The following DDX42 variants were observed in gnomAD, a reference collection of about 807,000 sequenced individuals.
DDX42 encodes the protein ATP-dependent RNA helicase DDX42.
A neutral mutation model predicts 101.5 loss-of-function variants in DDX42; 22 were observed. The observed-to-expected ratio is 0.22, with a 90% CI of 0.15 to 0.31. The LOEUF is 0.31. DDX42 is among the 10% of genes least tolerant of loss of function. DDX42 has a pLI of 1.00. For missense variants in DDX42, 849 were observed against 1,199.9 expected, an observed-to-expected ratio of 0.71 and a Z score of 4.32; for synonymous variants, 402 against 401.2, an observed-to-expected ratio of 1.00 and a Z score of -0.02.
chr17:63,779,873 T>C lies in DDX42; in HGVS notation c.-17+5497T>C, dbSNP rs182975351. On this transcript the variant is annotated intron_variant, in intron 1 of 17. Coordinates refer to ENST00000389924, the MANE Select transcript of DDX42 (RefSeq NM_203499.3). ...GAATATAGGCGTAAGCCACTGCATCTGCCTCTTTTATTTTTTTAGTAACCA... is the reference window on the plus strand; with the variant it reads ...GAATATAGGCGTAAGCCACTGCATCCGCCTCTTTTATTTTTTTAGTAACCA... Among the ~76,000 whole-genome samples, 12 of 152,320 alleles carry C rather than the reference T, an allele frequency of 7.9e-5. No individual in the cohort carries two copies. In the East Asian group the frequency reaches 2.3e-3, roughly 29 times the overall value.
intron 1 of DDX42, among the ~76,000 whole-genome samples, chr17:63,779,813 GCC>G (rs948363590): frequency 6.6e-6 from 1 of 151,498 alleles, no homozygotes; most frequent in Non-Finnish European, 1.5e-5. Flanking sequence ...CAAACTCCTG[GCC>G]TCAAGCCATC....
chr17:63,791,005 GTA>G (rs2039621667), intron 2 of DDX42, among the ~76,000 whole-genome samples: 1 of 152,204 alleles, frequency 6.6e-6, no homozygotes, highest in African/African-American at 2.4e-5. Context: ...ACATTAGTGT[GTA>G]TATATATGTA....
intron 2 of DDX42, 82 bp downstream of exon 2, chr17:63,787,352 T>G (rs760639538): frequency 2.8e-5 from 38 of 1,373,884 alleles, no homozygotes; most frequent in Non-Finnish European, 3.6e-5. Context: ...GCAAAGAAAC[T>G]TTGTTTCTCA....
chr17:63,796,342 C>A (rs1472396943), intron 3 of DDX42, among the ~76,000 whole-genome samples: 1 of 152,070 alleles, frequency 6.6e-6, no homozygotes, highest in Non-Finnish European at 1.5e-5. Context: ...GGAGCTTCAC[C>A]CTTGTTGCCC....
At chr17:63,803,240 A>G (rs1300146584) in intron 6 of DDX42, among the ~76,000 whole-genome samples, 1 of 152,212 alleles carries the variant, frequency 6.6e-6, no homozygotes, top group African/African-American at 2.4e-5. Flanking sequence ...AGATTACACA[A>G]TGAAAATAAC....
In DDX42 at chr17:63,805,113, G is replaced by A; in HGVS notation, c.664G>A (p.Glu222Lys). 1 of 1,613,054 alleles carries A rather than the reference G, an allele frequency of 6.2e-7. No individual in the cohort carries two copies. Among genetic ancestry groups the A allele is most frequent in the Non-Finnish European group, 8.5e-7 (1 of 1,179,812 alleles). Reference protein sequence around the residue: ...PFEKNFYNEHEEITNLTPQQL... With the variant: ...PFEKNFYNEHKEITNLTPQQL... ...TGAAAAAAACTTTTACAATGAGCAT[G>A]AAGAGATAACCAACCTCACTCCACA... Residue 222 changes from glutamate to lysine, a missense_variant, in exon 7 of 18, where the codon GAA becomes AAA. This residue lies in a region of DDX42 where 370 missense variants were observed against 608.8 expected (regional missense o/e 0.61). Transcript: ENST00000389924.
At chr17:63,792,231 T>C (rs2144547762) in intron 2 of DDX42, among the ~76,000 whole-genome samples, 181 bp from the exon 3 acceptor site, 1 of 152,226 alleles carries the variant, frequency 6.6e-6, no homozygotes, top group South Asian at 2.1e-4. Flanking sequence ...ATATTGAAAT[T>C]TTGCATGTAT....
At chr17:63,797,923 A>C in intron 3 of DDX42, 115 bp from the exon 4 acceptor site, 1 of 922,298 alleles carries the variant, frequency 1.1e-6, no homozygotes. Context: ...GATGGCATCA[A>C]AATGCACTTG....
At chr17:63,795,725 AAAATT>A (rs1294082199) in intron 3 of DDX42, among the ~76,000 whole-genome samples, 1 of 152,232 alleles carries the variant, frequency 6.6e-6, no homozygotes, top group Non-Finnish European at 1.5e-5. Flanking sequence ...TGATGTAAGA[AAAATT>A]AGAGTACATT....
intron 3 of DDX42, 72 bp from the exon 4 acceptor site, chr17:63,797,966 G>T: frequency 2.1e-6 from 3 of 1,432,162 alleles, no homozygotes; most frequent in South Asian, 1.3e-5. Context: ...TATGGCACTT[G>T]TTCCAATCTA....
At chr17:63,810,251 A>ATT (rs11450730) in intron 11 of DDX42, 32,394 of 120,770 alleles carry the variant, frequency 0.27, 4,690 homozygotes, top group East Asian at 0.45. Flanking sequence ...CAGCCTGGCT[A>ATT]TTTTTTTTTT....
intron 6 of DDX42, among the ~76,000 whole-genome samples, chr17:63,803,534 C>T (rs1187997465): frequency 1.5e-5 from 2 of 137,006 alleles, no homozygotes; most frequent in African/African-American, 2.8e-5. Flanking sequence ...TGCCACTGCA[C>T]TCCAGCCTGG....
At position 63,785,536 on chromosome 17, in the gene DDX42, A is replaced by AG. The variant is rs34435849; in HGVS notation, c.-16-1490dup. Among the ~76,000 whole-genome samples, 16 of 149,062 alleles carry AG rather than the reference A, an allele frequency of 1.1e-4. No individual in the cohort carries two copies. The South Asian group carries it at 1.5e-3, about 14-fold the overall frequency. Reference sequence around the variant, plus strand: ...CAGCACTTAGGGAGGCAGATGTGAGAGGGGGGGGTCTCTTGAGGCTAGAAG... The same window carrying AG: ...CAGCACTTAGGGAGGCAGATGTGAGAGGGGGGGGGTCTCTTGAGGCTAGAAG... On this transcript the variant is annotated intron_variant, in intron 1 of 17. Coordinates refer to ENST00000389924, the MANE Select transcript of DDX42 (RefSeq NM_203499.3).
Position 63,787,076 on chromosome 17 carries a change from C to T in DDX42, c.27C>T (p.Gly9=), listed in dbSNP as rs763534831. Residue 9 remains glycine (G), a synonymous_variant, in exon 2 of 18, where the codon GGC becomes GGT. Transcript: ENST00000389924. ...TGAACTGGAATAAAGGTGGTCCTGG[C>T]ACTAAGCGAGGATTTGGCTTTGGAG... MNWNKGGP[G]TKRGFGFGGF... 1 of 1,614,150 alleles carries T rather than the reference C, an allele frequency of 6.2e-7. No individual in the cohort carries two copies. Among genetic ancestry groups the T allele is most frequent in the South Asian group, 1.1e-5 (1 of 91,080 alleles).
intron 7 of DDX42, 30 bp downstream of exon 7, chr17:63,805,205 T>C: frequency 6.2e-7 from 1 of 1,600,948 alleles, no homozygotes; most frequent in Non-Finnish European, 8.5e-7. Context: ...ATATTCTTAA[T>C]ATTAATGTTA....
rs1322269314 is a variant in DDX42, at chr17:63,819,237, G to C, written c.*839G>C. 6.6e-6 allele frequency: 1 copy of C among 152,510 alleles called. No individual in the cohort carries two copies. The allele number at this position is 152,510 out of a possible 1,614,324, so 9.4% of individuals were successfully genotyped here. On this transcript the variant is annotated 3_prime_UTR_variant, in exon 18 of 18. Coordinates refer to ENST00000389924, the MANE Select transcript of DDX42 (RefSeq NM_203499.3). ...AAAGGAAAAGAAATATACAAACTTT[G>C]ACTTTTGTGACTTTGTGAAGGTTTC... is the stretch of plus-strand genomic sequence containing the variant.
chr17:63,810,251 A>ATTTTTTTTTTTTTTTTTTTTTTT (rs11450730), intron 11 of DDX42: 1 of 120,910 alleles, frequency 8.3e-6, no homozygotes, highest in Non-Finnish European at 1.6e-5. Context: ...CAGCCTGGCT[A>ATTTTTTTTTTTTTTTTTTTTTTT]TTTTTTTTTT....
At chr17:63,782,152 C>T (rs1475157453) in intron 1 of DDX42, among the ~76,000 whole-genome samples, 1 of 152,132 alleles carries the variant, frequency 6.6e-6, no homozygotes, top group African/African-American at 2.4e-5. Flanking sequence ...GTGGTGCGTG[C>T]TTGTAATCCC....
At chr17:63,774,873 T>A (rs2144511428) in intron 1 of DDX42, 1 of 152,352 alleles carries the variant, frequency 6.6e-6, no homozygotes, top group East Asian at 1.9e-4. Context: ...CAAACTTTTT[T>A]GCGGCCTACT....
Sources: allele counts gnomAD v4.1 joint callset (sites outside exome capture counted in the v4.1 genomes callset), GRCh38; gene constraint gnomAD v4.1.1; regional missense constraint gnomAD v4.1.1; transcripts MANE v1.5; gene names NCBI Gene and HGNC (gene_info 2026-07-23, HGNC 2026-07-21).